The following ZFHX3 variants were observed in gnomAD, a reference collection of about 807,000 sequenced individuals.
ZFHX3 encodes the protein zinc finger homeobox protein 3.
In ZFHX3, 42 loss-of-function variants were observed where a neutral mutation model predicts 279.1. The ratio of observed to expected loss-of-function variants is 0.15; its 90% confidence interval spans 0.12 to 0.19. The LOEUF (loss-of-function observed/expected upper bound fraction) is 0.19. ZFHX3 is among the 10% of genes least tolerant of loss of function. The pLI, the probability that ZFHX3 is intolerant of heterozygous loss-of-function variation, is 1.00. For synonymous variants in ZFHX3, 2,293 were observed against 1,957.8 expected, an observed-to-expected ratio of 1.17 and a Z score of -4.52; for missense variants, 4,981 against 4,754.0, an observed-to-expected ratio of 1.05 and a Z score of -1.40.
intron 2 of ZFHX3, among the ~76,000 whole-genome samples, chr16:73,539,528 CCT>C (rs2019974788): frequency 7.0e-6 from 1 of 143,408 alleles, no homozygotes; most frequent in Non-Finnish European, 1.5e-5. Context: ...ACTCCTTTTC[CCT>C]CTCTGTTTCT....
At chr16:72,831,432 T>C (rs551109620) in intron 4 of ZFHX3, among the ~76,000 whole-genome samples, 2 of 152,302 alleles carry the variant, frequency 1.3e-5, no homozygotes, top group South Asian at 2.1e-4. Flanking sequence ...GTCTCCTTCT[T>C]TGTCTCACTG....
At position 72,793,025 on chromosome 16, in the gene ZFHX3, G is replaced by A. The variant is rs529934983; in HGVS notation, c.9427+230C>T. Among the ~76,000 whole-genome samples, 2 of 152,200 alleles carry A rather than the reference G, an allele frequency of 1.3e-5. No homozygotes were observed. Among genetic ancestry groups the A allele is most frequent in the Admixed American group, 6.5e-5 (1 of 15,280 alleles). On this transcript the variant is annotated intron_variant, in intron 9 of 9. Transcript: ENST00000268489. The surrounding 1 kb of genome is among the most constrained non-coding windows in gnomAD (Gnocchi z 4.3). ...CCCTCAAGTTTTTCCCTATTATAGGGGATAAGAGTGGTTTCAAAGGAGACT... is the reference window on the plus strand; with the variant it reads ...CCCTCAAGTTTTTCCCTATTATAGGAGATAAGAGTGGTTTCAAAGGAGACT...
intron 1 of ZFHX3, among the ~76,000 whole-genome samples, chr16:73,003,959 C>A (rs1304952803): frequency 7.4e-6 from 1 of 134,248 alleles, no homozygotes; most frequent in Non-Finnish European, 1.6e-5. Context: ...TTTTTTTTTT[C>A]CACTTAGTTC....
intron 2 of ZFHX3, chr16:73,679,605 A>G (rs2142193491): frequency 6.6e-6 from 1 of 152,210 alleles, no homozygotes; most frequent in East Asian, 1.9e-4. Flanking sequence ...ATCGTCTTCT[A>G]CCTACAGCCA....
intron 2 of ZFHX3, among the ~76,000 whole-genome samples, chr16:73,512,232 A>C (rs1042540170): frequency 1.4e-5 from 2 of 147,858 alleles, no homozygotes; most frequent in Non-Finnish European, 3.0e-5. Context: ...GGTTGAGACC[A>C]TCCTGGCCCA....
At chr16:73,271,225 T>C (rs2014135562) in intron 4 of ZFHX3, among the ~76,000 whole-genome samples, 2 of 152,214 alleles carry the variant, frequency 1.3e-5, no homozygotes, top group South Asian at 2.1e-4. Context: ...AGCCCAGTCA[T>C]GTGTGAGCCC....
chr16:73,009,168 A>C (rs1030762484), intron 1 of ZFHX3, among the ~76,000 whole-genome samples: 1 of 152,174 alleles, frequency 6.6e-6, no homozygotes, highest in Non-Finnish European at 1.5e-5. Flanking sequence ...TATAAGCATC[A>C]TACCGTATCA....
intron 3 of ZFHX3, among the ~76,000 whole-genome samples, chr16:73,430,265 G>A (rs929036944): frequency 1.4e-4 from 22 of 152,086 alleles, no homozygotes; most frequent in African/African-American, 4.8e-4. Context: ...AATGCCCAGT[G>A]CCATTTGCAT....
upstream of ZFHX3, chr16:73,060,636 T>G (rs1965672131): frequency 6.6e-6 from 1 of 151,986 alleles, no homozygotes; most frequent in African/African-American, 2.4e-5. Flanking sequence ...AAATATGAAC[T>G]AATACCATTG....
intron 1 of ZFHX3, among the ~76,000 whole-genome samples, chr16:73,844,503 A>G (rs1961393606): frequency 6.6e-6 from 1 of 152,206 alleles, no homozygotes; most frequent in Non-Finnish European, 1.5e-5. Flanking sequence ...AATGCTAAAT[A>G]TACATCACTT....
Position 73,465,076 on chromosome 16 carries a change from G to A in ZFHX3, c.-1546-8818C>T, listed in dbSNP as rs113524493. The stretch of plus-strand genomic sequence containing the variant: ...CCCGGCACACCGGCCAGCTGCTCTT[G>A]CTCATCTGTGTCTCCTCAACTCATG... On this transcript the variant is annotated intron_variant, in intron 2 of 17. Coordinates refer to the ZFHX3 transcript ENST00000641206. 7.7e-3 allele frequency among the ~76,000 whole-genome samples: 1,178 copies of A among 152,250 alleles called. 11 individuals carry two copies. The highest frequency in any genetic ancestry group is 0.026 in the African/African-American group (1,091 of 41,542).
At chr16:72,850,313 C>T (rs2037584744) in intron 4 of ZFHX3, among the ~76,000 whole-genome samples, 1 of 152,240 alleles carries the variant, frequency 6.6e-6, no homozygotes, top group Admixed American at 6.5e-5. Context: ...ACCTGCCCAT[C>T]TTCACTCCTA....
At chr16:73,771,676 A>G (rs150696454) in intron 1 of ZFHX3, among the ~76,000 whole-genome samples, 11 of 152,014 alleles carry the variant, frequency 7.2e-5, no homozygotes, top group African/African-American at 2.2e-4. Flanking sequence ...ATCTCACTCA[A>G]TCACTTCTGA....
At chr16:73,235,634 A>G (rs1009517223) in intron 5 of ZFHX3, among the ~76,000 whole-genome samples, 6 of 152,018 alleles carry the variant, frequency 3.9e-5, no homozygotes, top group African/African-American at 1.2e-4. Context: ...CCACTGTTCC[A>G]AGAGGTGGTA....
chr16:73,442,695 C>T, intron 3 of ZFHX3, among the ~76,000 whole-genome samples: 1 of 152,152 alleles, frequency 6.6e-6, no homozygotes, highest in East Asian at 1.9e-4. Flanking sequence ...GGCCATGCCC[C>T]TCTTCTCTTT....
chr16:73,774,914 T>C (rs1438787864), intron 1 of ZFHX3, among the ~76,000 whole-genome samples: 5 of 152,176 alleles, frequency 3.3e-5, no homozygotes, highest in African/African-American at 1.2e-4. Flanking sequence ...CTGAACACTC[T>C]ACCTTCAAAA....
Position 73,705,117 on chromosome 16 carries a change from A to G in ZFHX3, c.-1607-24877T>C, listed in dbSNP as rs576261769. Among the ~76,000 whole-genome samples the G allele has an allele frequency of 3.0e-4, 46 of 152,366 alleles. 3 individuals carry two copies. The South Asian group carries it at 9.3e-3, about 31-fold the overall frequency. The stretch of plus-strand genomic sequence containing the variant: ...TCAAGACAAGAGCATACAGAATAGT[A>G]AAATGTAGTAAAATAATTACAAAGT... On this transcript the variant is annotated intron_variant, in intron 1 of 17. Transcript: ENST00000641206.
chr16:73,206,089 T>A (rs897405551), intron 5 of ZFHX3, among the ~76,000 whole-genome samples: 1 of 152,202 alleles, frequency 6.6e-6, no homozygotes, highest in East Asian at 1.9e-4. Flanking sequence ...CAACATACAA[T>A]AGAGATGCGA....
chr16:73,090,643 T>C (rs1257825876), intron 8 of ZFHX3, among the ~76,000 whole-genome samples: 2 of 151,568 alleles, frequency 1.3e-5, no homozygotes. Flanking sequence ...TCCCAGCACT[T>C]TGGGAGGCCA....
Sources: allele counts gnomAD v4.1 joint callset (sites outside exome capture counted in the v4.1 genomes callset), GRCh38; gene constraint gnomAD v4.1.1; non-coding constraint Gnocchi (gnomAD v3.1); transcripts MANE v1.5; gene names NCBI Gene and HGNC (gene_info 2026-07-23, HGNC 2026-07-21).